FBXO25: variants seen among roughly 807,000 people sequenced by gnomAD.
FBXO25 encodes the protein F-box protein 25.
A neutral mutation model predicts 51.9 loss-of-function variants in FBXO25; 45 were observed. The observed-to-expected ratio is 0.87, with a 90% CI of 0.68 to 1.11. The LOEUF is 1.11. Ranked by LOEUF, FBXO25 falls within the 50% of genes most tolerant of loss-of-function variation. The probability of loss-of-function intolerance (pLI) is 0.00; values close to 1 mark genes in which losing one functional copy is unlikely to be tolerated. For missense variants in FBXO25, 507 were observed against 428.5 expected, an observed-to-expected ratio of 1.18 and a Z score of -1.62; for synonymous variants, 199 against 151.0, an observed-to-expected ratio of 1.32 and a Z score of -2.33.
At chr8:450,150 T>G (rs997215305) in intron 6 of FBXO25, 67 bp downstream of exon 6, 4 of 1,200,054 alleles carry the variant, frequency 3.3e-6, no homozygotes, top group Middle Eastern at 2.6e-4. Flanking sequence ...GGAGATGGGA[T>G]TTTTCTTTTA....
intron 8 of FBXO25, among the ~76,000 whole-genome samples, chr8:461,863 C>G (rs993842481): frequency 6.6e-6 from 1 of 152,226 alleles, no homozygotes; most frequent in African/African-American, 2.4e-5. Context: ...ATATCCCCCT[C>G]TATGTATATC....
rs1585117910 is a variant in FBXO25, at chr8:469,116, T to C, written c.*312T>C. 1 of 267,712 alleles carries C rather than the reference T, an allele frequency of 3.7e-6. No individual in the cohort carries two copies. The highest frequency in any genetic ancestry group is 7.1e-5 in the East Asian group (1 of 14,164). The allele number at this position is 267,712 out of a possible 1,614,324, so 16.6% of individuals were successfully genotyped here. On this transcript the variant is annotated 3_prime_UTR_variant, in exon 10 of 10. Coordinates refer to ENST00000350302, the MANE Select transcript of FBXO25 (RefSeq NM_183420.2). Reference sequence around the variant, plus strand: ...TAGGTGGTCAGCTCCACATTCTTTGTTGACGTGACACTAACGGCCAATAAT... The same window carrying C: ...TAGGTGGTCAGCTCCACATTCTTTGCTGACGTGACACTAACGGCCAATAAT...
intron 4 of FBXO25, among the ~76,000 whole-genome samples, chr8:435,134 C>T (rs1798026320): frequency 6.6e-6 from 1 of 152,130 alleles, no homozygotes; most frequent in Non-Finnish European, 1.5e-5. Context: ...GAGAGAAATC[C>T]CATGTTATAC....
chr8:407,399 G>T (rs1256801371), intron 1 of FBXO25: 3 of 983,576 alleles, frequency 3.1e-6, no homozygotes, highest in Non-Finnish European at 2.4e-6. Flanking sequence ...GGGACGATGG[G>T]CCGCGGGCGC....
chr8:446,607 A>C lies in FBXO25; in HGVS notation c.382-3383A>C, dbSNP rs540963685. 3.3e-5 allele frequency among the ~76,000 whole-genome samples: 5 copies of C among 152,382 alleles called. No homozygotes were observed. In the South Asian group the frequency reaches 1.0e-3, roughly 32 times the overall value. ...AAGTGAGGCAGGGAAAAGGGGTGCT[A>C]TTCAACACTAAAACAAGGAATTTAA... On this transcript the variant is annotated intron_variant, in intron 5 of 9. Transcript: ENST00000350302.
At chr8:409,357 G>C (rs958882416) in intron 1 of FBXO25, among the ~76,000 whole-genome samples, 3 of 152,006 alleles carry the variant, frequency 2.0e-5, no homozygotes, top group Non-Finnish European at 4.4e-5. Context: ...TAAGCCTTTG[G>C]GCATGGACTA....
intron 5 of FBXO25, among the ~76,000 whole-genome samples, chr8:443,794 C>G (rs1213374127): frequency 2.0e-5 from 3 of 151,984 alleles, no homozygotes; most frequent in Non-Finnish European, 4.4e-5. Context: ...CTGCTTGGTT[C>G]TGCTTTGGCT....
chr8:421,167 G>A (rs141109042), intron 2 of FBXO25, among the ~76,000 whole-genome samples: 8,901 of 152,250 alleles, frequency 0.058, 282 homozygotes, highest in Middle Eastern at 0.078. Context: ...CGTGAACCCT[G>A]TTGTGAACTG....
intron 1 of FBXO25, among the ~76,000 whole-genome samples, chr8:409,117 G>A: frequency 6.6e-6 from 1 of 152,134 alleles, no homozygotes; most frequent in East Asian, 1.9e-4. Context: ...CTCAGTTTGG[G>A]AGTATTTTTG....
intron 9 of FBXO25, 32 bp from the exon 10 acceptor site, chr8:468,683 C>T (rs765662555): frequency 2.0e-5 from 31 of 1,588,570 alleles, no homozygotes; most frequent in Non-Finnish European, 2.5e-5. Flanking sequence ...GGTGGTGGGG[C>T]CCCCTCCTAA....
intron 2 of FBXO25, among the ~76,000 whole-genome samples, chr8:426,637 C>T (rs1797500008): frequency 1.3e-5 from 2 of 151,982 alleles, no homozygotes; most frequent in East Asian, 3.9e-4. Flanking sequence ...GTCTGATGCC[C>T]TTTGATAGGT....
intron 2 of FBXO25, among the ~76,000 whole-genome samples, chr8:415,771 C>T (rs1033462490): frequency 1.2e-4 from 19 of 152,132 alleles, no homozygotes; most frequent in African/African-American, 4.6e-4. Flanking sequence ...TTCTGCCACT[C>T]AGTTTTATGT....
rs1226651357 is a variant in FBXO25, at chr8:450,479, T to C, written c.475+396T>C. 2.6e-5 allele frequency among the ~76,000 whole-genome samples: 4 copies of C among 152,222 alleles called. No homozygotes were observed. In the South Asian group the frequency reaches 8.3e-4, roughly 31 times the overall value. On this transcript the variant is annotated intron_variant, in intron 6 of 9. Coordinates refer to ENST00000350302, the MANE Select transcript of FBXO25 (RefSeq NM_183420.2). ...AATTTAATGAGCTTGCCTTGATAAG[T>C]TACTGGCTGTTAGTAAATGGAACTT...
Position 473,704 on chromosome 8 carries a change from C to T in FBXO25, c.*4900C>T, listed in dbSNP as rs1008166840. 2.6e-5 allele frequency: 4 copies of T among 151,638 alleles called. No individual in the cohort carries two copies. The highest frequency in any genetic ancestry group is 7.3e-5 in the African/African-American group (3 of 41,208). The allele number at this position is 151,638 out of a possible 1,614,324, so 9.4% of individuals were successfully genotyped here. On this transcript the variant is annotated 3_prime_UTR_variant, in exon 10 of 10. Transcript: ENST00000350302. ...TGGCTCTTGGACCATAACCAGCGTT[C>T]ACTGAGGATGCGGTTTCTTTGAAAT...
intron 2 of FBXO25, among the ~76,000 whole-genome samples, chr8:430,570 G>T (rs538869763): frequency 6.6e-6 from 1 of 152,118 alleles, no homozygotes; most frequent in South Asian, 2.1e-4. Context: ...ACTCTCACAT[G>T]CCTCCACCAA....
intron 2 of FBXO25, among the ~76,000 whole-genome samples, chr8:420,676 A>G (rs971526532): frequency 1.3e-5 from 2 of 152,222 alleles, no homozygotes; most frequent in Non-Finnish European, 2.9e-5. Context: ...AAGAAACCAA[A>G]CCTAAAAGGC....
chr8:458,084 C>A (rs1391331915), intron 7 of FBXO25, among the ~76,000 whole-genome samples: 4 of 152,174 alleles, frequency 2.6e-5, no homozygotes, highest in African/African-American at 9.6e-5. Flanking sequence ...GGAGTACTGA[C>A]CTCCTGATGC....
In FBXO25 at chr8:450,016, G is replaced by C; in HGVS notation, c.408G>C (p.Gln136His). The C allele has an allele frequency of 6.2e-7, 1 of 1,611,404 alleles. No homozygotes were observed. The highest frequency in any genetic ancestry group is 8.5e-7 in the Non-Finnish European group (1 of 1,179,062). ...TGTTGCAGCTAATTGCAAAATCCCA[G>C]TTAACTTCATTGAGTGGCGTGGCAC... ...VKLLQLIAKS[Q>H]LTSLSGVAQK... The change falls in exon 6 of 10, where the codon CAG (glutamine) becomes CAC (histidine). Residue 136 changes from glutamine to histidine, a missense_variant. By Grantham distance (24) the Gln-to-His change is conservative (BLOSUM62 0). Transcript: ENST00000350302.
Position 406,993 on chromosome 8 carries a change from G to A in FBXO25, c.-81G>A, listed in dbSNP as rs1430543754. On this transcript the variant is annotated 5_prime_UTR_variant, in exon 1 of 10. It adds an upstream start codon to the 5' untranslated region. Coordinates refer to ENST00000350302, the MANE Select transcript of FBXO25 (RefSeq NM_183420.2). ...TGGTCGCCGTCAGGTGCGGGCCCAG[G>A]TGGCCGGCGCGCCCGTTGGGCACTG... The A allele has an allele frequency of 6.6e-6, 1 of 152,280 alleles. No individual in the cohort carries two copies. The allele number at this position is 152,280 out of a possible 1,614,324, so 9.4% of individuals were successfully genotyped here.
Sources: gnomAD v4.1 joint callset for allele counts (sites outside exome capture counted in the v4.1 genomes callset) on GRCh38, gnomAD v4.1.1 for gene constraint, MANE v1.5 for transcripts, NCBI Gene and HGNC (gene_info 2026-07-23, HGNC 2026-07-21) for gene names.